Variants in COG5 observed in about 807,000 individuals in gnomAD.
COG5 encodes component of oligomeric golgi complex 5, also known as conserved oligomeric Golgi complex subunit 5.
In COG5, 86 loss-of-function variants were observed where a neutral mutation model predicts 110.4. That is an observed-to-expected ratio of 0.78 (90% confidence interval 0.65 to 0.93). The LOEUF is 0.93. COG5 is among the 40% of genes least tolerant of loss of function. The pLI, the probability that COG5 is intolerant of heterozygous loss-of-function variation, is 0.00. For synonymous variants in COG5, 360 were observed against 334.6 expected (o/e 1.08, Z -0.83); for missense variants, 1,077 against 987.0 (o/e 1.09, Z -1.22).
At chr7:107,380,415 G>A (rs2129052876) in intron 7 of COG5, among the ~76,000 whole-genome samples, 1 of 152,056 alleles carries the variant, frequency 6.6e-6, no homozygotes, top group Non-Finnish European at 1.5e-5. Context: ...TAGACCACTA[G>A]CCAGACTAAT....
intron 16 of COG5, among the ~76,000 whole-genome samples, chr7:107,252,744 T>C (rs944589106): frequency 6.6e-6 from 1 of 151,990 alleles, no homozygotes; most frequent in Non-Finnish European, 1.5e-5. Context: ...ATGACTAAGG[T>C]TGGTTTGATA....
chr7:107,327,105 G>A (rs1046021546), intron 10 of COG5, among the ~76,000 whole-genome samples: 4 of 151,884 alleles, frequency 2.6e-5, no homozygotes, highest in Non-Finnish European at 5.9e-5. Context: ...ACAGACATAG[G>A]GACCAATGGA....
intron 11 of COG5, among the ~76,000 whole-genome samples, chr7:107,320,917 A>G (rs1809207417): frequency 6.6e-6 from 1 of 152,220 alleles, no homozygotes; most frequent in African/African-American, 2.4e-5. Context: ...CTGAGTCCAA[A>G]CAAAGTTAAA....
intron 6 of COG5, among the ~76,000 whole-genome samples, chr7:107,516,577 C>T (rs1459864395): frequency 6.6e-6 from 1 of 152,204 alleles, no homozygotes; most frequent in Non-Finnish European, 1.5e-5. Flanking sequence ...GAGAGACCTC[C>T]CAACAGGAGT....
intron 17 of COG5, among the ~76,000 whole-genome samples, chr7:107,240,660 TC>T (rs796588798): frequency 5.9e-5 from 9 of 152,332 alleles, no homozygotes; most frequent in African/African-American, 2.2e-4. Context: ...CTAATTGTTA[TC>T]CCTGGGGGCT....
chr7:107,397,150 G>A (rs1791075919), intron 7 of COG5, among the ~76,000 whole-genome samples: 1 of 152,206 alleles, frequency 6.6e-6, no homozygotes, highest in South Asian at 2.1e-4. Flanking sequence ...GGCTGGGCAT[G>A]TGACTCAAAT....
Position 107,365,596 on chromosome 7 carries a change from C to CAAAAA in COG5, c.836-3181_836-3177dup, listed in dbSNP as rs71134263. ...GGGAATGTTCAACATTGCAAAATGACAAAAAAAAAAAAAAAAAAAAAAAAA... is the reference window on the plus strand; with the variant it reads ...GGGAATGTTCAACATTGCAAAATGACAAAAAAAAAAAAAAAAAAAAAAAAAAAAAA... On this transcript the variant is annotated intron_variant, in intron 8 of 21. Transcript: ENST00000297135. Among the ~76,000 whole-genome samples the CAAAAA allele has an allele frequency of 2.1e-3, 77 of 36,708 alleles. 1 individual carries two copies. The highest frequency in any genetic ancestry group is 3.1e-3 in the South Asian group (2 of 652). 24.1% of individuals were successfully genotyped at this position (36,708 alleles called of 152,430 possible). A position where few individuals can be genotyped will look rare whatever the true frequency, so the allele number is the denominator to read the frequency against.
chr7:107,291,005 T>C (rs1806122942), intron 12 of COG5, among the ~76,000 whole-genome samples: 4 of 152,220 alleles, frequency 2.6e-5, no homozygotes, highest in Admixed American at 2.6e-4. Flanking sequence ...CCCTGACTTT[T>C]GACATTTTTA....
intron 6 of COG5, among the ~76,000 whole-genome samples, chr7:107,493,482 A>C (rs1798090395): frequency 1.3e-5 from 2 of 152,304 alleles, no homozygotes; most frequent in Admixed American, 6.5e-5. Context: ...AAATCAAAGA[A>C]TATCTAAATA....
At position 107,263,163 on chromosome 7, in the gene COG5, T is replaced by C. The variant is rs112091814; in HGVS notation, c.1576-4780A>G. ...TGGTAACAAAGTATCTTGTATAAAG[T>C]AGGCACCTCAACTACTTCATAATCC... On this transcript the variant is annotated intron_variant, in intron 14 of 21. Coordinates refer to ENST00000297135, the MANE Select transcript of COG5 (RefSeq NM_006348.5). Among the ~76,000 whole-genome samples, 541 of 152,288 alleles carry C rather than the reference T, an allele frequency of 3.6e-3. 7 individuals are homozygous for C. Among genetic ancestry groups the C allele is most frequent in the African/African-American group, 0.012 (509 of 41,542 alleles).
intron 19 of COG5, among the ~76,000 whole-genome samples, chr7:107,222,934 C>T (rs923823409): frequency 3.3e-5 from 5 of 152,182 alleles, no homozygotes; most frequent in East Asian, 1.9e-4. Flanking sequence ...CACATTTAAA[C>T]GATTCATAGC....
intron 12 of COG5, among the ~76,000 whole-genome samples, chr7:107,290,306 A>C (rs1001722491): frequency 6.6e-6 from 1 of 152,182 alleles, no homozygotes; most frequent in African/African-American, 2.4e-5. Flanking sequence ...CCTCTTTGGA[A>C]AAAATCCAGG....
At chr7:107,277,660 A>C (rs1340745106) in intron 14 of COG5, among the ~76,000 whole-genome samples, 1 of 152,222 alleles carries the variant, frequency 6.6e-6, no homozygotes. Context: ...GAAATAAATG[A>C]AATAATATAT....
At chr7:107,437,929 C>G in intron 6 of COG5, among the ~76,000 whole-genome samples, 1 of 152,068 alleles carries the variant, frequency 6.6e-6, no homozygotes, top group East Asian at 1.9e-4. Flanking sequence ...CCATGAGAAA[C>G]AGTTAACATG....
At chr7:107,311,271 T>C (rs368972322) in intron 11 of COG5, among the ~76,000 whole-genome samples, 2 of 151,932 alleles carry the variant, frequency 1.3e-5, no homozygotes, top group African/African-American at 2.4e-5. Context: ...GAGTATGTTA[T>C]CAAACTTTTT....
At chr7:107,549,221 C>T (rs1802697823) in intron 3 of COG5, 1 of 152,142 alleles carries the variant, frequency 6.6e-6, no homozygotes, top group Admixed American at 6.6e-5. Flanking sequence ...ATCATATTCT[C>T]TCCACAACCC....
intron 17 of COG5, 99 bp from the exon 18 acceptor site, chr7:107,236,786 T>G (rs1801226640): frequency 2.4e-6 from 2 of 824,592 alleles, no homozygotes; most frequent in Non-Finnish European, 4.3e-6. Flanking sequence ...TTCAATCCTT[T>G]GTAATGTTTT....
Position 107,211,086 on chromosome 7 carries a change from CTTTA to C in COG5, c.2295+9_2295+12del, listed in dbSNP as rs1355298516. 9 of 1,613,848 alleles carry C rather than the reference CTTTA, an allele frequency of 5.6e-6. No individual in the cohort carries two copies. Among genetic ancestry groups the C allele is most frequent in the Non-Finnish European group, 7.6e-6 (9 of 1,179,938 alleles). ...GAGTCACAAAAGGGTTCTGGCTTGA[CTTTA>C]TTTATTACCTGGAAAGGAGATTTCA... On this transcript the variant is annotated intron_variant, in intron 20 of 21. Coordinates refer to ENST00000297135, the MANE Select transcript of COG5 (RefSeq NM_006348.5).
chr7:107,554,256 A>G, intron 3 of COG5, 29 bp downstream of exon 3: 1 of 1,603,452 alleles, frequency 6.2e-7, no homozygotes, highest in Non-Finnish European at 8.5e-7. Flanking sequence ...CTAGCTCTAC[A>G]TAATCTCTAG....
Sources: allele counts gnomAD v4.1 joint callset (sites outside exome capture counted in the v4.1 genomes callset), GRCh38; gene constraint gnomAD v4.1.1; transcripts MANE v1.5; gene names NCBI Gene and HGNC (gene_info 2026-07-23, HGNC 2026-07-21).